HPSE2: variants seen among roughly 807,000 people sequenced by gnomAD.
The protein encoded by HPSE2 is heparanase 2 (inactive).
Under a neutral mutation model 60.5 loss-of-function variants are expected in HPSE2, and 38 were observed. That is an observed-to-expected ratio of 0.63 (90% CI 0.48 to 0.82). The LOEUF is 0.82. HPSE2 is among the 40% of genes least tolerant of loss of function. The pLI, the probability that HPSE2 is intolerant of heterozygous loss-of-function variation, is 0.00. For synonymous variants in HPSE2, 295 were observed against 293.2 expected (o/e 1.01, Z -0.06); for missense variants, 713 against 740.4 (o/e 0.96, Z 0.43).
chr10:99,261,376 G>T, the HPSE2 span, among the ~76,000 whole-genome samples: 2 of 152,008 alleles, frequency 1.3e-5, no homozygotes, highest in Non-Finnish European at 2.9e-5. Context: ...TTCGTTCCTC[G>T]AATAGCCCTC....
intron 3 of HPSE2, among the ~76,000 whole-genome samples, chr10:99,059,291 A>T (rs1408294772): frequency 6.6e-6 from 1 of 152,142 alleles, no homozygotes; most frequent in East Asian, 1.9e-4. Flanking sequence ...CCCAGAATAG[A>T]TTTTTTTAAG....
chr10:98,545,841 T>C (rs1943653534), intron 9 of HPSE2, among the ~76,000 whole-genome samples: 1 of 151,140 alleles, frequency 6.6e-6, no homozygotes, highest in South Asian at 2.1e-4. Flanking sequence ...GGTATTCAAT[T>C]AGGAAAAGAG....
intron 3 of HPSE2, among the ~76,000 whole-genome samples, chr10:98,887,199 T>C (rs780712528): frequency 7.9e-5 from 12 of 152,114 alleles, no homozygotes; most frequent in Non-Finnish European, 1.6e-4. Flanking sequence ...CTAAGAACCA[T>C]AATATCAACT....
At position 98,739,057 on chromosome 10, in the gene HPSE2, A is replaced by G. The variant is rs1589741062; in HGVS notation, c.784+4826T>C. On this transcript the variant is annotated intron_variant, in intron 4 of 11. Transcript: ENST00000370552. ...TTGCAGCACTATTCACAATAGCAAA[A>G]ACTTGGAACGAACCCAAATGCCCGT... 2.6e-5 allele frequency among the ~76,000 whole-genome samples: 4 copies of G among 152,146 alleles called. No individual in the cohort carries two copies. The South Asian group carries it at 8.3e-4, about 32-fold the overall frequency.
the HPSE2 span, among the ~76,000 whole-genome samples, chr10:99,269,815 T>C: frequency 6.6e-6 from 1 of 152,040 alleles, no homozygotes; most frequent in African/African-American, 2.4e-5. Context: ...GGAAATCAAC[T>C]CCGAAAGGAA....
chr10:98,919,245 C>T (rs981340000), intron 3 of HPSE2, among the ~76,000 whole-genome samples: 4 of 152,212 alleles, frequency 2.6e-5, no homozygotes, highest in East Asian at 1.9e-4. Flanking sequence ...AGATAATATG[C>T]AGATGTGTAA....
rs74321202 is a variant in HPSE2, at chr10:99,160,341, A to G, written c.449-15942T>C. 3.6e-3 allele frequency among the ~76,000 whole-genome samples: 546 copies of G among 152,266 alleles called. 1 individual carries two copies. The highest frequency in any genetic ancestry group is 0.012 in the African/African-American group (486 of 41,558). On this transcript the variant is annotated intron_variant, in intron 2 of 11. Transcript: ENST00000370552. ...AAAATTATATATAATATCATTATTC[A>G]TTAGAGAAATGCAAACTAAAACCAC... is the stretch of plus-strand genomic sequence containing the variant.
chr10:98,944,087 G>C (rs1158357042), intron 3 of HPSE2, among the ~76,000 whole-genome samples: 1 of 152,208 alleles, frequency 6.6e-6, no homozygotes, highest in Non-Finnish European at 1.5e-5. Flanking sequence ...GGAGCAGCTA[G>C]AGGTACAGGG....
At chr10:98,995,984 A>T (rs1019760220) in intron 3 of HPSE2, among the ~76,000 whole-genome samples, 1 of 152,174 alleles carries the variant, frequency 6.6e-6, no homozygotes, top group Admixed American at 6.5e-5. Flanking sequence ...AACTAAGGAA[A>T]CTCAAATAAA....
chr10:99,232,354 CAT>C lies in HPSE2; in HGVS notation c.440_441del (p.Tyr147Ter). Reference sequence around the variant, plus strand: ...TGGTAATCAAGTTTCTCACCATCCTCATAGTTTTTGAGATAGTAATCCGGGCC... The same window carrying C: ...TGGTAATCAAGTTTCTCACCATCCTCAGTTTTTGAGATAGTAATCCGGGCC... ...GPGPDYYLKNYEDDIVRSDVA... is the reference protein window; with the variant it reads ...GPGPDYYLKNXEDDIVRSDVA... On this transcript the variant is annotated frameshift_variant, in exon 2 of 12. Transcript: ENST00000370552. LOFTEE classifies it high-confidence loss of function. 1 of 1,551,662 alleles carries C rather than the reference CAT, an allele frequency of 6.4e-7. No individual in the cohort carries two copies. Among genetic ancestry groups the C allele is most frequent in the Non-Finnish European group, 8.7e-7 (1 of 1,146,986 alleles).
chr10:98,912,710 T>C (rs1954013471), intron 3 of HPSE2, among the ~76,000 whole-genome samples: 1 of 152,122 alleles, frequency 6.6e-6, no homozygotes, highest in Non-Finnish European at 1.5e-5. Flanking sequence ...TCCTCACTTA[T>C]TTGTGGGATC....
chr10:98,583,689 T>C (rs1474551956), intron 9 of HPSE2, among the ~76,000 whole-genome samples: 18 of 152,230 alleles, frequency 1.2e-4, no homozygotes, highest in Admixed American at 1.2e-3. Context: ...TCTTGTATAT[T>C]ATTTCTAAAT....
intron 9 of HPSE2, among the ~76,000 whole-genome samples, chr10:98,517,685 T>G (rs1025892594): frequency 1.3e-5 from 2 of 152,194 alleles, no homozygotes; most frequent in Admixed American, 6.5e-5. Flanking sequence ...CCCCAGACCA[T>G]TTTGGATTTC....
chr10:99,031,416 A>G (rs1203854639), intron 3 of HPSE2, among the ~76,000 whole-genome samples: 3 of 152,180 alleles, frequency 2.0e-5, no homozygotes, highest in Non-Finnish European at 4.4e-5. Context: ...AATTTTTACT[A>G]GGTCCTAGAG....
At chr10:99,078,036 T>C (rs1161467023) in intron 3 of HPSE2, among the ~76,000 whole-genome samples, 1 of 152,008 alleles carries the variant, frequency 6.6e-6, no homozygotes, top group Non-Finnish European at 1.5e-5. Flanking sequence ...CTTGCTCCCG[T>C]TCCATGTGAT....
intron 2 of HPSE2, among the ~76,000 whole-genome samples, chr10:99,200,434 A>G (rs1337847978): frequency 6.6e-6 from 1 of 152,052 alleles, no homozygotes; most frequent in Non-Finnish European, 1.5e-5. Context: ...GTTTTAGCAG[A>G]TATTGTAGAG....
chr10:99,142,646 G>T (rs947391615), intron 3 of HPSE2, among the ~76,000 whole-genome samples: 8 of 152,178 alleles, frequency 5.3e-5, no homozygotes, highest in African/African-American at 1.9e-4. Context: ...TAAGCAAGTT[G>T]TCAGGGTAAA....
At chr10:98,673,860 C>A (rs1247195452) in intron 6 of HPSE2, among the ~76,000 whole-genome samples, 1 of 152,118 alleles carries the variant, frequency 6.6e-6, no homozygotes, top group Admixed American at 6.5e-5. Flanking sequence ...ACAAGTTATC[C>A]TCTCTCTCTA....
intron 3 of HPSE2, among the ~76,000 whole-genome samples, chr10:98,747,585 A>G (rs1949659343): frequency 6.6e-6 from 1 of 152,236 alleles, no homozygotes; most frequent in South Asian, 2.1e-4. Flanking sequence ...AAAATTGGGA[A>G]CTAGAATGCT....
Sources: allele counts gnomAD v4.1 joint callset (sites outside exome capture counted in the v4.1 genomes callset), GRCh38; gene constraint gnomAD v4.1.1; transcripts MANE v1.5; gene names NCBI Gene and HGNC (gene_info 2026-07-23, HGNC 2026-07-21).